ENPEP: variants seen among roughly 807,000 people sequenced by gnomAD.
The protein encoded by ENPEP is AP-A.
A neutral mutation model predicts 114.5 loss-of-function variants in ENPEP; 103 were observed. The observed-to-expected ratio is 0.90, with a 90% CI of 0.77 to 1.06. ENPEP has a LOEUF of 1.06. Ranked by LOEUF, ENPEP falls within the 50% of genes least tolerant of loss-of-function variation. The pLI is 0.00. For synonymous variants in ENPEP, 420 were observed against 422.0 expected (o/e 1.00, Z 0.06); for missense variants, 1,196 against 1,161.3 (o/e 1.03, Z -0.43).
chr4:110,553,424 A>T lies in ENPEP; in HGVS notation c.2611A>T (p.Ile871Leu), dbSNP rs1259580652. 11 of 1,610,820 alleles carry T rather than the reference A, an allele frequency of 6.8e-6. No homozygotes were observed. The highest frequency in any genetic ancestry group is 1.3e-5 in the African/African-American group (1 of 74,804). ...SYGKNMAWNW[I>L]QLNWDYLVNR... is the part of the protein sequence containing the mutation. ...TGGGAAGAACATGGCCTGGAATTGG[A>T]TACAACTCAACTGGGACTATCTAGT... The change falls in exon 18 of 20, where the codon ATA becomes TTA. Residue 871 changes from isoleucine (I) to leucine (L), a missense_variant. Transcript: ENST00000265162.
rs192188285 is a variant in ENPEP, at chr4:110,488,878, T to C, written c.786+196T>C. On this transcript the variant is annotated intron_variant, in intron 2 of 19. Transcript: ENST00000265162. ...AAGTCTGTAAGGTATCACAGTCCAG[T>C]AAGAAAGCCAGATTGGTGTTTCTGT... Among the ~76,000 whole-genome samples, 135 of 152,288 alleles carry C rather than the reference T, an allele frequency of 8.9e-4. 1 individual carries two copies. The highest frequency in any genetic ancestry group is 3.4e-3 in the Middle Eastern group (1 of 294).
At chr4:110,559,159 A>G (rs1727593641) in intron 18 of ENPEP, 1 of 154,006 alleles carries the variant, frequency 6.5e-6, no homozygotes, top group Admixed American at 6.5e-5. Flanking sequence ...TCCTGTCTGC[A>G]TGGCTGAAGA....
At chr4:110,534,301 T>C (rs655882) in intron 11 of ENPEP, among the ~76,000 whole-genome samples, 150,294 of 152,192 alleles carry the variant, frequency 0.99, 74,229 homozygotes, top group Non-Finnish European at 1. Flanking sequence ...TAATTTCTAA[T>C]GAAAGAAGAG....
Position 110,509,664 on chromosome 4 carries a change from A to G in ENPEP, c.1051A>G (p.Ile351Val). 6.2e-7 allele frequency: 1 copy of G among 1,612,326 alleles called. No individual in the cohort carries two copies. The highest frequency in any genetic ancestry group is 1.3e-5 in the African/African-American group (1 of 75,004). Residue 351 changes from isoleucine (I) to valine (V), a missense_variant, in exon 5 of 20, where the codon ATT becomes GTT. Coordinates refer to ENST00000265162, the MANE Select transcript of ENPEP (RefSeq NM_001977.4). ...TTCTTCTTCTATAGATAAAATCGCT[A>G]TTCCAGATTTTGGCACTGGTGCCAT... ...YSLPKLDKIAIPDFGTGAMEN... is the reference protein window; with the variant it reads ...YSLPKLDKIAVPDFGTGAMEN...
In ENPEP at chr4:110,554,479, T is replaced by A. The variant is rs190792273; in HGVS notation, c.2642+1024T>A. ...TTGTGATAAATTTTTACCTTTTCTA[T>A]TCTTGTAACTATTGAGTGTCACTGT... On this transcript the variant is annotated intron_variant, in intron 18 of 19. Transcript: ENST00000265162. Among the ~76,000 whole-genome samples the A allele has an allele frequency of 1.3e-4, 20 of 152,096 alleles. 1 individual carries two copies. Among genetic ancestry groups the A allele is most frequent in the Admixed American group, 1.2e-3 (18 of 15,246 alleles).
chr4:110,510,158 A>C, intron 5 of ENPEP, 87 bp from the exon 6 acceptor site: 1 of 1,098,666 alleles, frequency 9.1e-7, no homozygotes, highest in Non-Finnish European at 1.4e-6. Flanking sequence ...CAACATTGGC[A>C]CGGACAAATA....
At position 110,561,530 on chromosome 4, in the gene ENPEP, G is replaced by A. The variant is rs1043661313; in HGVS notation, c.2846G>A (p.Trp949Ter). 5.6e-6 allele frequency: 9 copies of A among 1,613,208 alleles called. No individual in the cohort carries two copies. The highest frequency in any genetic ancestry group is 3.3e-5 in the Admixed American group (2 of 59,850). ...LKQHRNTIRE[W>*]FFNLLESG ...CAACATAGAAACACCATCAGAGAAT[G>A]GTTTTTTAATTTACTTGAGAGTGGT... Residue 949 changes from tryptophan to a stop codon, truncating the protein, a stop_gained, in exon 20 of 20, where the codon TGG (tryptophan) becomes TAG (stop). Coordinates refer to ENST00000265162, the MANE Select transcript of ENPEP (RefSeq NM_001977.4). LOFTEE classifies it low-confidence loss of function (END_TRUNC).
At position 110,536,388 on chromosome 4, in the gene ENPEP, C is replaced by A. The variant is rs146649009; in HGVS notation, c.1807+5111C>A. Among the ~76,000 whole-genome samples, 450 of 152,318 alleles carry A rather than the reference C, an allele frequency of 3.0e-3. 1 individual carries two copies. The highest frequency in any genetic ancestry group is 0.01 in the African/African-American group (428 of 41,574). Reference sequence around the variant, plus strand: ...TTCTTCCTTCTTATGGCTTTACCATCCCCTGCATCTTGGAATCCCTCACTG... The same window carrying A: ...TTCTTCCTTCTTATGGCTTTACCATACCCTGCATCTTGGAATCCCTCACTG... On this transcript the variant is annotated intron_variant, in intron 11 of 19. Transcript: ENST00000265162.
intron 1 of ENPEP, among the ~76,000 whole-genome samples, chr4:110,481,569 T>C (rs1471199814): frequency 3.9e-5 from 6 of 152,146 alleles, no homozygotes; most frequent in Non-Finnish European, 8.8e-5. Context: ...ATGACTAGTA[T>C]CCTCTGGCAA....
At position 110,549,781 on chromosome 4, in the gene ENPEP, C is replaced by T. The variant is rs1467495569; in HGVS notation, c.2396C>T (p.Ser799Leu). The T allele has an allele frequency of 3.1e-6, 5 of 1,613,426 alleles. No individual in the cohort carries two copies. Among genetic ancestry groups the T allele is most frequent in the East Asian group, 2.2e-5 (1 of 44,858 alleles). The change falls in exon 17 of 20, where the codon TCA (serine) becomes TTA (leucine). Residue 799 changes from serine to leucine, a missense_variant. Coordinates refer to ENST00000265162, the MANE Select transcript of ENPEP (RefSeq NM_001977.4). ...ATGCAGAACTCTGGCAATGAGATTT[C>T]ATGGAACTACACTCTTGAGCAATAC... ...YGMQNSGNEI[S>L]WNYTLEQYQK...
rs1197308668 is a variant in ENPEP, at chr4:110,491,075, G to C, written c.829G>C (p.Glu277Gln). 6.2e-7 allele frequency: 1 copy of C among 1,612,326 alleles called. No individual in the cohort carries two copies. Among genetic ancestry groups the C allele is most frequent in the South Asian group, 1.1e-5 (1 of 90,634 alleles). Residue 277 changes from glutamate to glutamine, a missense_variant, in exon 3 of 20, where the codon GAG becomes CAG. Transcript: ENST00000265162. Reference sequence around the variant, plus strand: ...TGATAAATGGACTCGAACAACTTTTGAGAAGTCTGTCCCCATGAGCACGTA... The same window carrying C: ...TGATAAATGGACTCGAACAACTTTTCAGAAGTCTGTCCCCATGAGCACGTA... ...VDDKWTRTTF[E>Q]KSVPMSTYLV...
chr4:110,531,419 A>G, intron 11 of ENPEP, 142 bp downstream of exon 11: 2 of 592,316 alleles, frequency 3.4e-6, no homozygotes, highest in Non-Finnish European at 5.0e-6. Flanking sequence ...TGATGATTCC[A>G]AATCTTCATC....
rs542297020 is a variant in ENPEP at position 110,476,330 on chromosome 4, T to C, written c.-85T>C. 4.9e-5 allele frequency: 73 copies of C among 1,475,732 alleles called. No individual in the cohort carries two copies. The East Asian group carries it at 1.7e-3, about 34-fold the overall frequency. 91.4% of individuals were successfully genotyped at this position (1,475,732 alleles called of 1,614,324 possible). A position where few individuals can be genotyped will look rare whatever the true frequency, so the allele number is the denominator to read the frequency against. ...ACAGGCTGCCAAATCAGGGGATTCC[T>C]TCCAATTTAAAAAGGAAGTCTGCTG... On this transcript the variant is annotated 5_prime_UTR_variant, in exon 1 of 20. Coordinates refer to ENST00000265162, the MANE Select transcript of ENPEP (RefSeq NM_001977.4).
At chr4:110,546,920 G>C (rs1727091446) in intron 13 of ENPEP, among the ~76,000 whole-genome samples, 1 of 152,016 alleles carries the variant, frequency 6.6e-6, no homozygotes, top group Admixed American at 6.6e-5. Context: ...TGAAAAACTA[G>C]CCAAAGAACC....
chr4:110,512,760 A>G (rs1287123436), intron 6 of ENPEP: 1 of 152,214 alleles, frequency 6.6e-6, no homozygotes, highest in Non-Finnish European at 1.5e-5. Flanking sequence ...TCCAAAAAGT[A>G]CAGGCCATAA....
At chr4:110,494,520 A>G (rs2110340863) in intron 3 of ENPEP, among the ~76,000 whole-genome samples, 1 of 152,324 alleles carries the variant, frequency 6.6e-6, no homozygotes, top group Middle Eastern at 3.4e-3. Flanking sequence ...CTAAGAATCT[A>G]TAATGCCCTG....
chr4:110,487,069 A>G (rs1170440858), intron 1 of ENPEP, among the ~76,000 whole-genome samples: 1 of 152,162 alleles, frequency 6.6e-6, no homozygotes, highest in African/African-American at 2.4e-5. Flanking sequence ...GGGTGGTGTC[A>G]GCTGATCCAT....
intron 8 of ENPEP, among the ~76,000 whole-genome samples, chr4:110,516,401 C>G (rs1041939674): frequency 6.6e-6 from 1 of 152,174 alleles, no homozygotes; most frequent in African/African-American, 2.4e-5. Context: ...ACTGCCGTCT[C>G]TGCAGGTTGG....
At chr4:110,509,964 A>G (rs568554118) in intron 5 of ENPEP, among the ~76,000 whole-genome samples, 157 bp downstream of exon 5, 1 of 152,268 alleles carries the variant, frequency 6.6e-6, no homozygotes, top group Non-Finnish European at 1.5e-5. Context: ...TTAGCCATAA[A>G]GAGACTTTGA....
Sources: allele counts gnomAD v4.1 joint callset (sites outside exome capture counted in the v4.1 genomes callset), GRCh38; gene constraint gnomAD v4.1.1; transcripts MANE v1.5; gene names NCBI Gene and HGNC (gene_info 2026-07-23, HGNC 2026-07-21).